Variants in QTGAL observed in about 807,000 individuals in gnomAD.
QTGAL encodes queuosine-tRNA galactosyltransferase, also known as BGnT-like protein 1.
chr17:82,962,027 C>T, the QTGAL span, among the ~76,000 whole-genome samples: 12 of 152,276 alleles, frequency 7.9e-5, no homozygotes, highest in East Asian at 3.9e-4. Context: ...TGGTTCTCTG[C>T]GGCAGCTCAC....
At chr17:82,962,920 G>T in the QTGAL span, among the ~76,000 whole-genome samples, 8 of 151,948 alleles carry the variant, frequency 5.3e-5, no homozygotes, top group Non-Finnish European at 1.0e-4. Flanking sequence ...CCCCTCCCCT[G>T]ATTGCTGCTG....
At chr17:83,028,563 C>T in the QTGAL span, among the ~76,000 whole-genome samples, 1 of 151,572 alleles carries the variant, frequency 6.6e-6, no homozygotes, top group African/African-American at 2.4e-5. Flanking sequence ...AGGTGCTCAC[C>T]ATCACCAGCC....
the QTGAL span, among the ~76,000 whole-genome samples, chr17:83,046,910 T>C: frequency 7.9e-5 from 12 of 152,222 alleles, no homozygotes; most frequent in Non-Finnish European, 1.3e-4. Context: ...CGGAGCACGA[T>C]ACATGCCACA....
chr17:82,982,959 A>G, the QTGAL span, among the ~76,000 whole-genome samples: 1 of 152,168 alleles, frequency 6.6e-6, no homozygotes, highest in Non-Finnish European at 1.5e-5. Flanking sequence ...TGGGGGGTAC[A>G]TAGGAACTCT....
At chr17:83,010,187 G>A in the QTGAL span, among the ~76,000 whole-genome samples, 7 of 152,154 alleles carry the variant, frequency 4.6e-5, no homozygotes, top group South Asian at 1.5e-3. Flanking sequence ...CAGGCAGGCG[G>A]CTCTTCTCCA....
the QTGAL span, among the ~76,000 whole-genome samples, chr17:82,966,993 G>A: frequency 6.6e-6 from 1 of 152,224 alleles, no homozygotes; most frequent in Non-Finnish European, 1.5e-5. Context: ...CAGGCAATGA[G>A]TTAAAGATGG....
the QTGAL span, among the ~76,000 whole-genome samples, chr17:83,020,435 T>C: frequency 2.0e-5 from 3 of 152,242 alleles, no homozygotes; most frequent in South Asian, 2.1e-4. Context: ...ATATTTTCCA[T>C]AGAATAGCTG....
chr17:83,033,363 C>A, the QTGAL span, among the ~76,000 whole-genome samples: 3 of 152,152 alleles, frequency 2.0e-5, no homozygotes, highest in East Asian at 5.8e-4. Context: ...CTCAGAGATG[C>A]CAAGAAGGAA....
the QTGAL span, among the ~76,000 whole-genome samples, chr17:83,044,431 C>T: frequency 8.9e-4 from 136 of 152,204 alleles, no homozygotes; most frequent in African/African-American, 3.2e-3. Flanking sequence ...TGACAAAATC[C>T]GGCACCCTTT....
the QTGAL span, among the ~76,000 whole-genome samples, chr17:82,951,782 A>G: frequency 9.1e-5 from 12 of 132,044 alleles, no homozygotes; most frequent in Non-Finnish European, 1.8e-4. Context: ...GCCTCAGGGA[A>G]TAGGGAGGCC....
the QTGAL span, among the ~76,000 whole-genome samples, chr17:82,978,343 C>T: frequency 1.3e-5 from 2 of 152,136 alleles, no homozygotes; most frequent in Admixed American, 1.3e-4. This position sits in a 1 kb window ranked among gnomAD's most constrained non-coding sequence, Gnocchi z 4.8. Context: ...TATGTTGAAT[C>T]TGAATATGAA....
chr17:82,965,674 C>A, the QTGAL span: 2 of 1,611,352 alleles, frequency 1.2e-6, no homozygotes, highest in Non-Finnish European at 1.7e-6. Context: ...TTAAAGGGGC[C>A]CACGTGGGAG....
At chr17:83,036,835 C>A in the QTGAL span, among the ~76,000 whole-genome samples, 1 of 152,086 alleles carries the variant, frequency 6.6e-6, no homozygotes, top group Non-Finnish European at 1.5e-5. Flanking sequence ...GCATGTTGGG[C>A]TAAGAAGGCT....
At chr17:82,963,773 T>G in the QTGAL span, among the ~76,000 whole-genome samples, 1 of 151,980 alleles carries the variant, frequency 6.6e-6, no homozygotes, top group Non-Finnish European at 1.5e-5. Flanking sequence ...GCAGGAAGTG[T>G]TTTTTGGGGG....
chr17:82,957,179 A>G, the QTGAL span: 1 of 1,614,136 alleles, frequency 6.2e-7, no homozygotes, highest in South Asian at 1.1e-5. Context: ...GGCCCTGCAC[A>G]CCTGAGAGTC....
At chr17:83,006,240 C>T in the QTGAL span, 3,454 of 985,582 alleles carry the variant, frequency 3.5e-3, 8 homozygotes, top group Non-Finnish European at 3.9e-3. The surrounding 1 kb of genome is among the most constrained non-coding windows in gnomAD (Gnocchi z 5.8). Flanking sequence ...GCGATGAAGT[C>T]ACACCGAGGC....
At chr17:82,987,751 C>T in the QTGAL span, among the ~76,000 whole-genome samples, 1 of 152,188 alleles carries the variant, frequency 6.6e-6, no homozygotes. Context: ...CTTGGTTATA[C>T]AGGCTCTTTT....
chr17:83,005,804 G>A, the QTGAL span: 1 of 1,130,732 alleles, frequency 8.8e-7, no homozygotes. This position sits in a 1 kb window ranked among gnomAD's most constrained non-coding sequence, Gnocchi z 5.6. Flanking sequence ...GGGCCCTGCA[G>A]AGCCTCAGAG....
the QTGAL span, among the ~76,000 whole-genome samples, chr17:83,020,373 C>T: frequency 6.6e-6 from 1 of 152,184 alleles, no homozygotes; most frequent in South Asian, 2.1e-4. Context: ...TCCCAGAAAA[C>T]CCAGGAGCCG....
Sources: allele counts gnomAD v4.1 joint callset (sites outside exome capture counted in the v4.1 genomes callset), GRCh38; gene constraint gnomAD v4.1.1; non-coding constraint Gnocchi (gnomAD v3.1); transcripts MANE v1.5; gene names NCBI Gene and HGNC (gene_info 2026-07-23, HGNC 2026-07-21).